ADAR: variants seen among roughly 807,000 people sequenced by gnomAD.
The protein encoded by ADAR is double-stranded RNA-specific adenosine deaminase.
In ADAR, 41 loss-of-function variants were observed where a neutral mutation model predicts 113.2. The observed-to-expected ratio is 0.36, with a 90% CI of 0.28 to 0.47. The LOEUF (loss-of-function observed/expected upper bound fraction) is 0.47. Among genes scored for constraint, ADAR ranks in the 20% least tolerant of loss-of-function variants. The pLI is 1.00. For missense variants in ADAR, 1,242 were observed against 1,540.9 expected (o/e 0.81, Z 3.25); for synonymous variants, 605 against 572.6 (o/e 1.06, Z -0.81).
intron 12 of ADAR, 115 bp downstream of exon 12, chr1:154,586,066 G>T: frequency 7.2e-7 from 1 of 1,380,436 alleles, no homozygotes; most frequent in Non-Finnish European, 1.0e-6. Context: ...TTACTGAGGA[G>T]TGAATCATGC....
Position 154,585,354 on chromosome 1 carries a change from C to A in ADAR, c.3316-10G>T, listed in dbSNP as rs1571047318. Reference sequence around the variant, plus strand: ...TGCTGACTCTGCCAACCTAGGAATCCCAGAAGCAACGGGAGAAAGATGGAA... The same window carrying A: ...TGCTGACTCTGCCAACCTAGGAATCACAGAAGCAACGGGAGAAAGATGGAA... On this transcript the variant is annotated splice_polypyrimidine_tract_variant and intron_variant, in intron 13 of 14. Coordinates refer to ENST00000368474, the MANE Select transcript of ADAR (RefSeq NM_001111.5). 1 of 1,613,990 alleles carries A rather than the reference C, an allele frequency of 6.2e-7. No individual in the cohort carries two copies. Among genetic ancestry groups the A allele is most frequent in the Non-Finnish European group, 8.5e-7 (1 of 1,179,970 alleles).
chr1:154,597,495 C>T lies in ADAR; in HGVS notation c.1935-228G>A, dbSNP rs1352236605. 2.6e-5 allele frequency among the ~76,000 whole-genome samples: 4 copies of T among 152,312 alleles called. No individual in the cohort carries two copies. In the East Asian group the frequency reaches 7.7e-4, roughly 29 times the overall value. Reference sequence around the variant, plus strand: ...AACCTAGTTTCACCTCTTCCAGGAACACTTCTCTTGAACATGTGAGTCTAT... The same window carrying T: ...AACCTAGTTTCACCTCTTCCAGGAATACTTCTCTTGAACATGTGAGTCTAT... On this transcript the variant is annotated intron_variant, in intron 4 of 14. Transcript: ENST00000368474.
At chr1:154,607,727 A>C (rs1698289846) in intron 1 of ADAR, among the ~76,000 whole-genome samples, 1 of 73,706 alleles carries the variant, frequency 1.4e-5, no homozygotes, top group Non-Finnish European at 3.1e-5. Context: ...AAGACTACAC[A>C]CACACGCACA....
chr1:154,627,331 C>T (rs902883556), intron 1 of ADAR, among the ~76,000 whole-genome samples: 1 of 152,210 alleles, frequency 6.6e-6, no homozygotes, highest in Non-Finnish European at 1.5e-5. Flanking sequence ...CAGTGGCCTC[C>T]TACGCCTTCC....
At chr1:154,585,457 C>T (rs1696696700) in intron 13 of ADAR, 113 bp from the exon 14 acceptor site, 5 of 1,510,274 alleles carry the variant, frequency 3.3e-6, no homozygotes, top group Non-Finnish European at 2.7e-6. Flanking sequence ...GATCTTTCCC[C>T]TGTATTTAGG....
Position 154,602,063 on chromosome 1 carries a change from AG to A in ADAR, c.578del (p.Pro193LeufsTer19). 6.2e-7 allele frequency: 1 copy of A among 1,614,196 alleles called. No homozygotes were observed. The highest frequency in any genetic ancestry group is 8.5e-7 in the Non-Finnish European group (1 of 1,180,020). Reference protein sequence around the residue: ...GKLQKEAGTPPLWKIAVSTQA... With the variant: ...GKLQKEAGTPXLWKIAVSTQA... ...GAGTGGAGACCGCGATTTTCCACAA[AG>A]GGGGTGTTCCTGCCTCTTTCTGTAG... On this transcript the variant is annotated frameshift_variant, in exon 2 of 15. Transcript: ENST00000368474. LOFTEE classifies it high-confidence loss of function.
At chr1:154,596,689 G>C in intron 6 of ADAR, 116 bp downstream of exon 6, 1 of 1,210,286 alleles carries the variant, frequency 8.3e-7, no homozygotes, top group South Asian at 1.3e-5. Flanking sequence ...GGCTGGACTT[G>C]TTTCCCTCAA....
intron 11 of ADAR, among the ~76,000 whole-genome samples, chr1:154,587,710 G>A (rs1696859550): frequency 6.6e-6 from 1 of 152,170 alleles, no homozygotes; most frequent in African/African-American, 2.4e-5. Context: ...GACAGGAGGG[G>A]ACCCCAGCAT....
chr1:154,601,436 G>T lies in ADAR; in HGVS notation c.1206C>A (p.Asn402Lys). ...CNIPTSNASN[N>K]MVTTEKVENG... The stretch of plus-strand genomic sequence containing the variant: ...TCTCCACTTTTTCTGTGGTTACCAT[G>T]TTATTTGAGGCATTTGATGTGGGTA... Residue 402 changes from asparagine to lysine, a missense_variant, in exon 2 of 15, where the codon AAC becomes AAA. Asn to Lys is a moderately conservative substitution (Grantham distance 94, BLOSUM62 0). Transcript: ENST00000368474. The surrounding 1 kb of genome is among the most constrained non-coding windows in gnomAD (Gnocchi z 4.7). 6.2e-7 allele frequency: 1 copy of T among 1,614,208 alleles called. No homozygotes were observed. The highest frequency in any genetic ancestry group is 2.2e-5 in the East Asian group (1 of 44,890).
At position 154,614,027 on chromosome 1, in the gene ADAR, G is replaced by A. The variant is rs556027306; in HGVS notation, c.-870-11401C>T. Among the ~76,000 whole-genome samples, 3 of 151,852 alleles carry A rather than the reference G, an allele frequency of 2.0e-5. No individual in the cohort carries two copies. In the South Asian group the frequency reaches 6.2e-4, roughly 32 times the overall value. ...TTATCTAGTAACAAAGAAAAAAAGTGGTATTTATCAACTAGCTATATGTGC... is the reference window on the plus strand; with the variant it reads ...TTATCTAGTAACAAAGAAAAAAAGTAGTATTTATCAACTAGCTATATGTGC... On this transcript the variant is annotated intron_variant, in intron 1 of 14. Transcript: ENST00000368471.
At chr1:154,590,135 A>AGGCGGGGGGGGGGG in intron 7 of ADAR, 49 bp downstream of exon 7, 6 of 1,205,016 alleles carry the variant, frequency 5.0e-6, no homozygotes, top group East Asian at 5.0e-5. Context: ...CTTAGGAGTT[A>AGGCGGGGGGGGGGG]GGAGGACCCC....
Position 154,583,335 on chromosome 1 carries a change from C to A in ADAR, c.*1471G>T, listed in dbSNP as rs1214920884. 6.6e-6 allele frequency: 1 copy of A among 152,216 alleles called. No individual in the cohort carries two copies. Among genetic ancestry groups the A allele is most frequent in the Non-Finnish European group, 1.5e-5 (1 of 68,054 alleles). The allele number at this position is 152,216 out of a possible 1,614,324, so 9.4% of individuals were successfully genotyped here. A position where few individuals can be genotyped will look rare whatever the true frequency, so the allele number is the denominator to read the frequency against. Reference sequence around the variant, plus strand: ...TCATGACCAACACTCTAAAAGCCAACAAAGTCCCTTCAACATGAGTAAAGG... The same window carrying A: ...TCATGACCAACACTCTAAAAGCCAAAAAAGTCCCTTCAACATGAGTAAAGG... On this transcript the variant is annotated 3_prime_UTR_variant, in exon 15 of 15. Transcript: ENST00000368474.
At chr1:154,589,275 A>T in intron 9 of ADAR, 94 bp downstream of exon 9, 1 of 962,856 alleles carries the variant, frequency 1.0e-6, no homozygotes, top group Non-Finnish European at 1.7e-6. Flanking sequence ...CGTCTGTCTG[A>T]GGGGGATTCA....
In ADAR at chr1:154,601,019, C is replaced by CA. The variant is rs1697836293; in HGVS notation, c.1601+21dup. ...AAGCACCTGACCCCAACCCTAGGTA[C>CA]AGTTCCTGGGTGGTCTCTTACCGAG... On this transcript the variant is annotated intron_variant, in intron 2 of 14. Transcript: ENST00000368474. This position sits in a 1 kb window ranked among gnomAD's most constrained non-coding sequence, Gnocchi z 4.7. 11 of 1,613,768 alleles carry CA rather than the reference C, an allele frequency of 6.8e-6. No homozygotes were observed. Among genetic ancestry groups the CA allele is most frequent in the African/African-American group, 1.3e-5 (1 of 74,916 alleles).
rs1245796137 is a variant in ADAR, at chr1:154,602,471, A to G, written c.171T>C (p.Ile57=). 3 of 1,613,896 alleles carry G rather than the reference A, an allele frequency of 1.9e-6. No individual in the cohort carries two copies. The highest frequency in any genetic ancestry group is 3.3e-5 in the Admixed American group (2 of 59,992). ...GTGGCAGTGACGGTGTCTGCTTTCC[A>G]ATCACCGGTGCTTCTGGGAGCTGCC... is the stretch of plus-strand genomic sequence containing the variant. The part of the protein sequence containing the change: ...LKGQLPEAPV[I]GKQTPSLPPS... The change falls in exon 2 of 15, where the codon ATT becomes ATC. Residue 57 remains isoleucine (I), a synonymous_variant. Transcript: ENST00000368474.
chr1:154,607,456 G>T (rs1698267611), intron 1 of ADAR, among the ~76,000 whole-genome samples: 1 of 152,134 alleles, frequency 6.6e-6, no homozygotes, highest in South Asian at 2.1e-4. Flanking sequence ...GCCTTCAGGA[G>T]GTGGATAAGG....
intron 1 of ADAR, among the ~76,000 whole-genome samples, chr1:154,618,302 TAGAA>T (rs1166550172): frequency 1.8e-4 from 28 of 152,040 alleles, no homozygotes; most frequent in Admixed American, 3.3e-4. Flanking sequence ...ATGTCTTAAA[TAGAA>T]GGACATACCA....
chr1:154,598,696 T>TATG, intron 2 of ADAR, 111 bp from the exon 3 acceptor site: 1 of 813,718 alleles, frequency 1.2e-6, no homozygotes, highest in Non-Finnish European at 1.8e-6. Flanking sequence ...GCTTTTCACT[T>TATG]GTGGAGATGA....
exon 1 of ADAR, chr1:154,627,913 G>GGCC: frequency 1.9e-6 from 1 of 517,176 alleles, no homozygotes; most frequent in Non-Finnish European, 3.9e-6. Context: ...GTGCGGCCGC[G>GGCC]ACCCTCCCCC....
Sources: gnomAD v4.1 joint callset for allele counts (sites outside exome capture counted in the v4.1 genomes callset) on GRCh38, gnomAD v4.1.1 for gene constraint, Gnocchi (gnomAD v3.1) non-coding constraint, MANE v1.5 for transcripts, NCBI Gene and HGNC (gene_info 2026-07-23, HGNC 2026-07-21) for gene names.